Variants in ZER1 observed in about 807,000 individuals in gnomAD.
The protein encoded by ZER1 is protein zer-1 homolog.
A neutral mutation model predicts 78.8 loss-of-function variants in ZER1; 11 were observed. The observed-to-expected ratio is 0.14, with a 90% CI of 0.09 to 0.23. The LOEUF (loss-of-function observed/expected upper bound fraction) is 0.23. ZER1 is among the 10% of genes least tolerant of loss of function. The probability of loss-of-function intolerance (pLI) is 1.00; values close to 1 mark genes in which losing one functional copy is unlikely to be tolerated. For synonymous variants in ZER1, 400 were observed against 407.0 expected, an observed-to-expected ratio of 0.98 and a Z score of 0.21; for missense variants, 588 against 996.9, an observed-to-expected ratio of 0.59 and a Z score of 5.52.
chr9:128,742,573 T>A lies in ZER1; in HGVS notation c.1532A>T (p.Asp511Val). 1 of 1,614,242 alleles carries A rather than the reference T, an allele frequency of 6.2e-7. No homozygotes were observed. Reference sequence around the variant, plus strand: ...GCCCACGGCCTCCTTGTGGTCGTTGTCTACCTGGCAGACCAGGGCATTGCA... The same window carrying A: ...GCCCACGGCCTCCTTGTGGTCGTTGACTACCTGGCAGACCAGGGCATTGCA... ...HLCNALVCQV[D>V]NDHKEAVGKM... Residue 511 changes from aspartate to valine, a missense_variant, in exon 9 of 16, where the codon GAC becomes GTC. By Grantham distance (152) the Asp-to-Val change is radical (BLOSUM62 -3). Coordinates refer to ENST00000291900, the MANE Select transcript of ZER1 (RefSeq NM_006336.4).
In ZER1 at chr9:128,755,198, CACACACACACCA is replaced by C. The variant is rs1360997805; in HGVS notation, c.158+198_158+209del. 1.3e-5 allele frequency among the ~76,000 whole-genome samples: 2 copies of C among 152,066 alleles called. No homozygotes were observed. The highest frequency in any genetic ancestry group is 4.8e-5 in the African/African-American group (2 of 41,392). On this transcript the variant is annotated intron_variant, in intron 2 of 15. Transcript: ENST00000291900. The surrounding 1 kb of genome is among the most constrained non-coding windows in gnomAD (Gnocchi z 5.6). ...CCATGCCTTCACGTGCACACCCCTC[CACACACACACCA>C]ACACACACACATATACACCTTTACG...
At chr9:128,763,548 C>T (rs1421783941) in intron 1 of ZER1, among the ~76,000 whole-genome samples, 1 of 152,214 alleles carries the variant, frequency 6.6e-6, no homozygotes, top group Non-Finnish European at 1.5e-5. Context: ...GTACTGGCTC[C>T]GGAGGGAGAC....
chr9:128,763,753 T>G (rs1431961727), intron 1 of ZER1, among the ~76,000 whole-genome samples: 1 of 152,138 alleles, frequency 6.6e-6, no homozygotes, highest in Non-Finnish European at 1.5e-5. Context: ...TTTGGGAGAC[T>G]GAGGTAGGTG....
Position 128,742,698 on chromosome 9 carries a change from C to G in ZER1, c.1407G>C (p.Glu469Asp). The G allele has an allele frequency of 6.2e-7, 1 of 1,613,954 alleles. No homozygotes were observed. Among genetic ancestry groups the G allele is most frequent in the Non-Finnish European group, 8.5e-7 (1 of 1,179,946 alleles). The change falls in exon 9 of 16, where the codon GAG becomes GAC. Residue 469 changes from glutamate to aspartate, a missense_variant. Glu to Asp is a conservative substitution (Grantham distance 45). Around this residue, in one of 3 missense-constraint regions of ZER1, gnomAD observed 406 missense variants for 660.1 expected, o/e 0.62. Coordinates refer to ENST00000291900, the MANE Select transcript of ZER1 (RefSeq NM_006336.4). ...CLTLCNFSIP[E>D]ELEFQYRRVN... The stretch of plus-strand genomic sequence containing the variant: ...CCCGGCGGTACTGGAATTCCAGCTC[C>G]TCGGGGATGCTGAAGTTGCAGAGCG...
chr9:128,765,209 A>G (rs1457356570), intron 1 of ZER1, among the ~76,000 whole-genome samples: 1 of 117,776 alleles, frequency 8.5e-6, no homozygotes, highest in South Asian at 2.9e-4. Flanking sequence ...ATCCATGCAC[A>G]TGTACACACA....
chr9:128,733,445 C>T lies in ZER1; in HGVS notation c.2224G>A (p.Glu742Lys). The change falls in exon 15 of 16, where the codon GAG becomes AAG. Residue 742 changes from glutamate to lysine, a missense_variant. Glu to Lys is a moderately conservative substitution (Grantham distance 56). Coordinates refer to ENST00000291900, the MANE Select transcript of ZER1 (RefSeq NM_006336.4). ...DIIKMATARQ[E>K]TKEMARKVIE... ...TCTTACCGGGCCATTTCCTTGGTCT[C>T]CTGCCGTGCGGTCGCCATCTTAATT... 1.2e-6 allele frequency: 2 copies of T among 1,614,006 alleles called. No individual in the cohort carries two copies. Among genetic ancestry groups the T allele is most frequent in the Non-Finnish European group, 8.5e-7 (1 of 1,179,970 alleles).
chr9:128,733,258 T>C (rs1862899769), intron 15 of ZER1, 168 bp downstream of exon 15: 1 of 548,010 alleles, frequency 1.8e-6, no homozygotes, highest in South Asian at 2.7e-5. Flanking sequence ...GTGGTCGAGA[T>C]GACATTTGGA....
chr9:128,737,932 A>G (rs1189974420), intron 13 of ZER1, among the ~76,000 whole-genome samples: 4 of 151,698 alleles, frequency 2.6e-5, no homozygotes, highest in African/African-American at 7.3e-5. Context: ...CGAACTCCTG[A>G]CCTCAGGTGA....
At position 128,753,110 on chromosome 9, in the gene ZER1, C is replaced by A; in HGVS notation, c.746+54G>T. On this transcript the variant is annotated intron_variant, in intron 4 of 15. Coordinates refer to ENST00000291900, the MANE Select transcript of ZER1 (RefSeq NM_006336.4). The surrounding 1 kb of genome is among the most constrained non-coding windows in gnomAD (Gnocchi z 7.5). The stretch of plus-strand genomic sequence containing the variant: ...GGCGTGACAACACCCACCTCTACTC[C>A]TCCCCACCTGCCCCCCAAACCCCAC... 1 of 1,470,582 alleles carries A rather than the reference C, an allele frequency of 6.8e-7. No individual in the cohort carries two copies. The allele number at this position is 1,470,582 out of a possible 1,614,324, so 91.1% of individuals were successfully genotyped here. A position where few individuals can be genotyped will look rare whatever the true frequency, so the allele number is the denominator to read the frequency against.
At chr9:128,761,798 G>A (rs1158918977) in intron 1 of ZER1, among the ~76,000 whole-genome samples, 1 of 151,924 alleles carries the variant, frequency 6.6e-6, no homozygotes, top group Non-Finnish European at 1.5e-5. Context: ...TAGAGATGGG[G>A]TTTCACCATG....
At chr9:128,750,555 A>G in intron 8 of ZER1, 61 bp downstream of exon 8, 1 of 1,587,448 alleles carries the variant, frequency 6.3e-7, no homozygotes, top group Non-Finnish European at 8.6e-7. Flanking sequence ...AGCGGGACGC[A>G]AGAAGCAGGA....
chr9:128,742,628 C>T lies in ZER1; in HGVS notation c.1477G>A (p.Glu493Lys), dbSNP rs1863340890. 1 of 1,614,242 alleles carries T rather than the reference C, an allele frequency of 6.2e-7. No individual in the cohort carries two copies. Among genetic ancestry groups the T allele is most frequent in the Non-Finnish European group, 8.5e-7 (1 of 1,180,046 alleles). ...TGCACGGCGATCCGCTGGATAGACTCGTCCTGCCGCGTGGGGTTGAGGATG... is the reference window on the plus strand; with the variant it reads ...TGCACGGCGATCCGCTGGATAGACTTGTCCTGCCGCGTGGGGTTGAGGATG... ...LSILNPTRQD[E>K]SIQRIAVHLC... is the part of the protein sequence containing the mutation. The change falls in exon 9 of 16, where the codon GAG becomes AAG. Residue 493 changes from glutamate (E) to lysine (K), a missense_variant. Coordinates refer to ENST00000291900, the MANE Select transcript of ZER1 (RefSeq NM_006336.4).
intron 8 of ZER1, among the ~76,000 whole-genome samples, chr9:128,747,606 CTTTTT>C (rs1203473824): frequency 1.4e-4 from 22 of 151,992 alleles, no homozygotes; most frequent in South Asian, 2.1e-4. Context: ...ATTTAGGTAT[CTTTTT>C]TTTGTTTTTG....
At position 128,732,893 on chromosome 9, in the gene ZER1, C is replaced by T. The variant is rs1862883847; in HGVS notation, c.2243+533G>A. On this transcript the variant is annotated intron_variant, in intron 15 of 15. Coordinates refer to ENST00000291900, the MANE Select transcript of ZER1 (RefSeq NM_006336.4). This position sits in a 1 kb window ranked among gnomAD's most constrained non-coding sequence, Gnocchi z 4.8. ...TTCGACGATTTCGACACGTCGCATC[C>T]CTGAGAGTCTCTCGTGTCCTGATCA... The T allele has an allele frequency of 6.5e-6, 1 of 153,970 alleles. No homozygotes were observed. The highest frequency in any genetic ancestry group is 2.4e-5 in the African/African-American group (1 of 41,468). 9.5% of individuals were successfully genotyped at this position (153,970 alleles called of 1,614,324 possible).
In ZER1 at chr9:128,740,290, T is replaced by C. The variant is rs1863245275; in HGVS notation, c.1854-171A>G. ...AAGGGATTTGAGGTCATTTAAGATA[T>C]AATTACAGGCTGGGCGCAGTGGCTC... On this transcript the variant is annotated intron_variant, in intron 12 of 15. Transcript: ENST00000291900. This position sits in a 1 kb window ranked among gnomAD's most constrained non-coding sequence, Gnocchi z 4.4. 6.6e-6 allele frequency among the ~76,000 whole-genome samples: 1 copy of C among 152,070 alleles called. No individual in the cohort carries two copies. Among genetic ancestry groups the C allele is most frequent in the Non-Finnish European group, 1.5e-5 (1 of 67,988 alleles).
intron 8 of ZER1, among the ~76,000 whole-genome samples, chr9:128,748,986 G>A (rs1173388541): frequency 1.3e-5 from 2 of 149,800 alleles, no homozygotes; most frequent in African/African-American, 4.9e-5. Flanking sequence ...GATTACAGGC[G>A]TGAGCCACCA....
rs1413137480 is a variant in ZER1, at chr9:128,740,089, G to A, written c.1884C>T (p.Ile628=). The A allele has an allele frequency of 2.5e-6, 4 of 1,611,804 alleles. No individual in the cohort carries two copies. The highest frequency in any genetic ancestry group is 4.5e-5 in the East Asian group (2 of 44,816). Residue 628 remains isoleucine, a synonymous_variant, in exon 13 of 16, where the codon ATC becomes ATT. Transcript: ENST00000291900. The surrounding 1 kb of genome is among the most constrained non-coding windows in gnomAD (Gnocchi z 4.4). ...CGCCGCAGGCATTGTAGGAAACCTC[G>A]ATCCCATCGGCCTTGCTCTCCAACA... ...SNLLESKADG[I]EVSYNACGVL...
rs1181542834 is a variant in ZER1 at position 128,732,725 on chromosome 9, AG to A, written c.2243+700del. ...AGCTGACACTTCCCTCCCCTGGCCC[AG>A]GAAGTGGCTGGCTGAGGAGCCTCTG... is the stretch of plus-strand genomic sequence containing the variant. On this transcript the variant is annotated intron_variant, in intron 15 of 15. Transcript: ENST00000291900. The surrounding 1 kb of genome is among the most constrained non-coding windows in gnomAD (Gnocchi z 4.8). 6.6e-6 allele frequency: 1 copy of A among 152,226 alleles called. No individual in the cohort carries two copies. The highest frequency in any genetic ancestry group is 2.4e-5 in the African/African-American group (1 of 41,442). 9.4% of individuals were successfully genotyped at this position (152,226 alleles called of 1,614,324 possible).
chr9:128,738,187 G>A (rs1333202037), intron 13 of ZER1, among the ~76,000 whole-genome samples: 4 of 148,672 alleles, frequency 2.7e-5, no homozygotes, highest in Non-Finnish European at 4.5e-5. Context: ...TGGGACTACA[G>A]GCGCATGCCA....
Sources: gnomAD v4.1 joint callset for allele counts (sites outside exome capture counted in the v4.1 genomes callset) on GRCh38, gnomAD v4.1.1 for gene constraint, gnomAD v4.1.1 regional missense constraint, Gnocchi (gnomAD v3.1) non-coding constraint, MANE v1.5 for transcripts, NCBI Gene and HGNC (gene_info 2026-07-23, HGNC 2026-07-21) for gene names.